Variants in ETV3 observed in about 807,000 individuals in gnomAD.
ETV3 encodes the protein ETS variant transcription factor 3.
In ETV3, 8 loss-of-function variants were observed where a neutral mutation model predicts 33.0. The observed-to-expected ratio is 0.24, with a 90% CI of 0.14 to 0.44. The LOEUF (loss-of-function observed/expected upper bound fraction) is 0.44, where lower values mean the gene tolerates loss of function less well. Ranked by LOEUF, ETV3 falls within the 20% of genes least tolerant of loss-of-function variation. The pLI is 1.00. For missense variants in ETV3, 473 were observed against 652.3 expected (o/e 0.73, Z 2.99); for synonymous variants, 222 against 238.9 (o/e 0.93, Z 0.65).
chr1:157,125,793 T>C lies in ETV3; in HGVS notation c.587A>G (p.Asp196Gly), dbSNP rs1674822786. 2 of 1,551,660 alleles carry C rather than the reference T, an allele frequency of 1.3e-6. No individual in the cohort carries two copies. The highest frequency in any genetic ancestry group is 1.7e-6 in the Non-Finnish European group (2 of 1,146,980). ...DRKTELSELE[D>G]GSAADWRRGV... ...CCGGCGCCAGTCAGCAGCTGAGCCA[T>C]CCTCCAGCTCTGAAAGCTCAGTCTT... Residue 196 changes from aspartate (D) to glycine (G), a missense_variant, in exon 5 of 5, where the codon GAT (aspartate) becomes GGT (glycine). Physicochemically the swap from Asp to Gly is moderately conservative, Grantham distance 94 (BLOSUM62 -1). Coordinates refer to ENST00000368192, the MANE Select transcript of ETV3 (RefSeq NM_001145312.3). The surrounding 1 kb of genome is among the most constrained non-coding windows in gnomAD (Gnocchi z 4.0).
chr1:157,136,313 C>T lies in ETV3; in HGVS notation c.40G>A (p.Gly14Ser), dbSNP rs756064101. ...ATGATTAACTTCTGCTCACCTCCAC[C>T]TCCTTCTGGCTTTTCCACGATGCTA... ...GCSIVEKPEG[G>S]GGYQFPDWAY... The change falls in exon 2 of 5, where the codon GGT (glycine) becomes AGT (serine). Residue 14 changes from glycine (G) to serine (S), a missense_variant. This residue lies in a region of ETV3 where 33 missense variants were observed against 37.1 expected (regional missense o/e 0.89). Coordinates refer to ENST00000368192, the MANE Select transcript of ETV3 (RefSeq NM_001145312.3). The T allele has an allele frequency of 6.2e-7, 1 of 1,612,202 alleles. No individual in the cohort carries two copies. Among genetic ancestry groups the T allele is most frequent in the Admixed American group, 1.7e-5 (1 of 59,662 alleles).
In ETV3 at chr1:157,125,375, A is replaced by G. The variant is rs1480490521; in HGVS notation, c.1005T>C (p.His335=). 1 of 1,551,952 alleles carries G rather than the reference A, an allele frequency of 6.4e-7. No individual in the cohort carries two copies. Among genetic ancestry groups the G allele is most frequent in the South Asian group, 1.2e-5 (1 of 84,056 alleles). The change falls in exon 5 of 5, where the codon CAT becomes CAC. Residue 335 remains histidine (H), a synonymous_variant. Transcript: ENST00000368192. The surrounding 1 kb of genome is among the most constrained non-coding windows in gnomAD (Gnocchi z 4.0). ...LMVPPLQCQM[H]PEESTQFSIK... is the part of the protein sequence containing the mutation. ...TGGAGAACTGAGTTGACTCCTCAGGATGCATTTGGCACTGCAGTGGTGGAA... is the reference window on the plus strand; with the variant it reads ...TGGAGAACTGAGTTGACTCCTCAGGGTGCATTTGGCACTGCAGTGGTGGAA...
Position 157,124,920 on chromosome 1 carries a change from C to CG in ETV3, c.1459dup (p.Arg487ProfsTer25). 1 of 1,551,726 alleles carries CG rather than the reference C, an allele frequency of 6.4e-7. No homozygotes were observed. Among genetic ancestry groups the CG allele is most frequent in the African/African-American group, 1.4e-5 (1 of 73,154 alleles). On this transcript the variant is annotated frameshift_variant, in exon 5 of 5. Transcript: ENST00000368192. LOFTEE classifies it high-confidence loss of function. The stretch of plus-strand genomic sequence containing the variant: ...AAACTTGCCACTCTTGCTCAGCTCT[C>CG]GGGCTTCAGGGTCATCATTCCAGCG...
chr1:157,124,007 C>T lies in ETV3; in HGVS notation c.*834G>A, dbSNP rs1558028328. On this transcript the variant is annotated 3_prime_UTR_variant, in exon 5 of 5. Coordinates refer to ENST00000368192, the MANE Select transcript of ETV3 (RefSeq NM_001145312.3). Reference sequence around the variant, plus strand: ...AGGCATTGGGTTACTTCCTCCTGCCCTCTTTTCTTCCCTGAACAAGAGTTT... The same window carrying T: ...AGGCATTGGGTTACTTCCTCCTGCCTTCTTTTCTTCCCTGAACAAGAGTTT... The T allele has an allele frequency of 6.6e-6, 1 of 152,104 alleles. No homozygotes were observed. The highest frequency in any genetic ancestry group is 1.5e-5 in the Non-Finnish European group (1 of 68,016). The allele number at this position is 152,104 out of a possible 1,614,324, so 9.4% of individuals were successfully genotyped here.
rs988639586 is a variant in ETV3, at chr1:157,126,123, T to C, written c.401-144A>G. The C allele has an allele frequency of 6.9e-6, 5 of 729,476 alleles. No individual in the cohort carries two copies. The African/African-American group carries it at 8.9e-5, about 13-fold the overall frequency. 45.2% of individuals were successfully genotyped at this position (729,476 alleles called of 1,614,324 possible). On this transcript the variant is annotated intron_variant, in intron 4 of 4. Coordinates refer to ENST00000368192, the MANE Select transcript of ETV3 (RefSeq NM_001145312.3). Reference sequence around the variant, plus strand: ...TGAATCCCACAGTTCTCCAACTTCCTAGTAACTACTGCTCAGCTGCTTCTA... The same window carrying C: ...TGAATCCCACAGTTCTCCAACTTCCCAGTAACTACTGCTCAGCTGCTTCTA...
intron 4 of ETV3, among the ~76,000 whole-genome samples, chr1:157,127,273 A>T (rs1222912832): frequency 1.3e-5 from 2 of 152,260 alleles, no homozygotes; most frequent in African/African-American, 4.8e-5. Flanking sequence ...TTTAATTTTT[A>T]AAAAGGCTAC....
At position 157,125,542 on chromosome 1, in the gene ETV3, G is replaced by C; in HGVS notation, c.838C>G (p.Pro280Ala). 2 of 1,552,064 alleles carry C rather than the reference G, an allele frequency of 1.3e-6. No individual in the cohort carries two copies. The highest frequency in any genetic ancestry group is 1.7e-6 in the Non-Finnish European group (2 of 1,147,060). ...TPTIFSYSPS[P>A]GLSPFTSSSC... ...CTGCTGGTGAAAGGGCTCAGGCCTGGTGATGGGCTATAGGAGAAGATGGTG... is the reference window on the plus strand; with the variant it reads ...CTGCTGGTGAAAGGGCTCAGGCCTGCTGATGGGCTATAGGAGAAGATGGTG... Residue 280 changes from proline (P) to alanine (A), a missense_variant, in exon 5 of 5, where the codon CCA becomes GCA. Pro to Ala is a conservative substitution (Grantham distance 27, BLOSUM62 -1). Coordinates refer to ENST00000368192, the MANE Select transcript of ETV3 (RefSeq NM_001145312.3). This position sits in a 1 kb window ranked among gnomAD's most constrained non-coding sequence, Gnocchi z 4.0.
rs1259604956 is a variant in ETV3, at chr1:157,121,985, T to A, written c.*2856A>T. On this transcript the variant is annotated 3_prime_UTR_variant, in exon 5 of 5. Transcript: ENST00000368192. Reference sequence around the variant, plus strand: ...CATTAAGAGATATTTACTGTTTTCTTTTTCTATAGCTAAAAAAGCAAACTT... The same window carrying A: ...CATTAAGAGATATTTACTGTTTTCTATTTCTATAGCTAAAAAAGCAAACTT... 6.6e-6 allele frequency: 1 copy of A among 152,238 alleles called. No individual in the cohort carries two copies. The highest frequency in any genetic ancestry group is 1.5e-5 in the Non-Finnish European group (1 of 68,040). The allele number at this position is 152,238 out of a possible 1,614,324, so 9.4% of individuals were successfully genotyped here.
chr1:157,129,520 CTT>C (rs1399874181), intron 4 of ETV3, among the ~76,000 whole-genome samples: 1 of 152,010 alleles, frequency 6.6e-6, no homozygotes, highest in Non-Finnish European at 1.5e-5. Flanking sequence ...GATTATAAGA[CTT>C]AAGATAATTA....
chr1:157,128,470 T>C (rs1674893363), intron 4 of ETV3: 1 of 314,050 alleles, frequency 3.2e-6, no homozygotes, highest in Non-Finnish European at 6.5e-6. Flanking sequence ...CCATGTCTCT[T>C]TGGGTGGAAG....
At chr1:157,127,650 A>T (rs1674872436) in intron 4 of ETV3, among the ~76,000 whole-genome samples, 1 of 149,392 alleles carries the variant, frequency 6.7e-6, no homozygotes, top group African/African-American at 2.5e-5. Flanking sequence ...GGTTCAAGTG[A>T]TTCTTGTGCC....
At chr1:157,133,915 A>C in intron 4 of ETV3, 197 bp downstream of exon 4, 2 of 1,397,680 alleles carry the variant, frequency 1.4e-6, no homozygotes, top group Non-Finnish European at 9.2e-7. Flanking sequence ...AACCAAAGAA[A>C]TCTATCTTGA....
At chr1:157,132,372 G>A (rs1034048676) in intron 4 of ETV3, among the ~76,000 whole-genome samples, 5 of 152,228 alleles carry the variant, frequency 3.3e-5, no homozygotes, top group Non-Finnish European at 7.3e-5. Context: ...TCTTCACAGA[G>A]TGAGGATCCA....
chr1:157,133,849 C>G, intron 4 of ETV3: 1 of 1,257,904 alleles, frequency 7.9e-7, no homozygotes, highest in South Asian at 2.3e-5. Context: ...AACAAGATAG[C>G]GTAATAGTAT....
intron 1 of ETV3, among the ~76,000 whole-genome samples, chr1:157,137,637 A>G (rs1446817177): frequency 6.6e-6 from 1 of 151,288 alleles, no homozygotes; most frequent in Non-Finnish European, 1.5e-5. Flanking sequence ...GAAAAACACG[A>G]ATTTCCCCAC....
chr1:157,135,279 GAT>G, intron 3 of ETV3, 190 bp downstream of exon 3: 2 of 683,946 alleles, frequency 2.9e-6, no homozygotes, highest in Non-Finnish European at 4.9e-6. Context: ...TATAACCAAA[GAT>G]ATGCCTTTTC....
At chr1:157,138,075 C>T (rs1031615927) in intron 1 of ETV3, among the ~76,000 whole-genome samples, 8 of 152,218 alleles carry the variant, frequency 5.3e-5, no homozygotes, top group Admixed American at 1.3e-4. Flanking sequence ...CCTCCCGGGC[C>T]GGGCTTCCCT....
Position 157,125,876 on chromosome 1 carries a change from C to T in ETV3, c.504G>A (p.Arg168=). ...HSPTNDVQPG[R]FSASSLTASG... ...AAGCAGTTAGGGAGCTAGCAGAGAA[C>T]CGTCCCGGCTGCACATCATTGGTTG... The change falls in exon 5 of 5, where the codon CGG becomes CGA. Residue 168 remains arginine (R), a synonymous_variant. Transcript: ENST00000368192. The surrounding 1 kb of genome is among the most constrained non-coding windows in gnomAD (Gnocchi z 4.0). 1 of 1,551,740 alleles carries T rather than the reference C, an allele frequency of 6.4e-7. No individual in the cohort carries two copies.
intron 4 of ETV3, chr1:157,133,046 T>A (rs1675005268): frequency 6.6e-6 from 1 of 152,246 alleles, no homozygotes; most frequent in South Asian, 2.1e-4. Context: ...AACAGTTAAA[T>A]ACAATCTACA....
Sources: gnomAD v4.1 joint callset for allele counts (sites outside exome capture counted in the v4.1 genomes callset) on GRCh38, gnomAD v4.1.1 for gene constraint, gnomAD v4.1.1 regional missense constraint, Gnocchi (gnomAD v3.1) non-coding constraint, MANE v1.5 for transcripts, NCBI Gene and HGNC (gene_info 2026-07-23, HGNC 2026-07-21) for gene names.